FOXK2: variants seen among roughly 807,000 people sequenced by gnomAD.
The protein encoded by FOXK2 is forkhead box protein K2.
FOXK2 carries 24 observed loss-of-function variants against 53.3 expected under a neutral mutation model. The ratio of observed to expected loss-of-function variants is 0.45; its 90% CI spans 0.33 to 0.63. The LOEUF is 0.63. Ranked by LOEUF, FOXK2 falls within the 30% of genes least tolerant of loss-of-function variation. FOXK2 has a pLI of 0.03. For missense variants in FOXK2, 952 were observed against 910.5 expected (o/e 1.05, Z -0.59); for synonymous variants, 505 against 407.1 (o/e 1.24, Z -2.89).
chr17:82,591,745 C>T (rs915732765), intron 8 of FOXK2, among the ~76,000 whole-genome samples: 4 of 152,244 alleles, frequency 2.6e-5, no homozygotes, highest in African/African-American at 7.2e-5. Context: ...CCTCAGAGCT[C>T]GCTTTGGGAG....
chr17:82,544,113 A>G (rs1471914502), intron 1 of FOXK2, among the ~76,000 whole-genome samples: 4 of 151,758 alleles, frequency 2.6e-5, no homozygotes, highest in Non-Finnish European at 4.4e-5. Context: ...AGGTCTCACT[A>G]TGTTGCACAA....
At chr17:82,547,132 A>G (rs1045573444) in intron 1 of FOXK2, among the ~76,000 whole-genome samples, 1 of 151,970 alleles carries the variant, frequency 6.6e-6, no homozygotes, top group Non-Finnish European at 1.5e-5. Flanking sequence ...TCTCTCTTAT[A>G]GTGTATACTG....
At chr17:82,585,881 A>C in intron 6 of FOXK2, 23 bp from the exon 7 acceptor site, 1 of 1,594,686 alleles carries the variant, frequency 6.3e-7, no homozygotes, top group Non-Finnish European at 8.6e-7. Flanking sequence ...TGTAAGTGTC[A>C]GTCCTGCTGT....
intron 8 of FOXK2, among the ~76,000 whole-genome samples, chr17:82,595,419 A>G (rs1157685803): frequency 6.6e-6 from 1 of 152,158 alleles, no homozygotes; most frequent in Non-Finnish European, 1.5e-5. Flanking sequence ...CTCCTGCCTC[A>G]GCCTCCTGAG....
intron 5 of FOXK2, among the ~76,000 whole-genome samples, chr17:82,583,763 G>A (rs556320674): frequency 1.6e-4 from 24 of 152,298 alleles, no homozygotes; most frequent in Non-Finnish European, 2.6e-4. Flanking sequence ...AGCTGGCTCC[G>A]CCCCACAGCC....
intron 1 of FOXK2, among the ~76,000 whole-genome samples, chr17:82,550,183 C>T (rs1048872243): frequency 5.9e-5 from 9 of 152,084 alleles, no homozygotes; most frequent in African/African-American, 2.2e-4. Context: ...ACTGCAAGAC[C>T]TTGTCTCTAA....
intron 4 of FOXK2, 95 bp from the exon 5 acceptor site, chr17:82,582,646 T>C: frequency 9.9e-7 from 1 of 1,010,500 alleles, no homozygotes. Flanking sequence ...GCCCAACATG[T>C]AGGTTTCTGC....
Position 82,571,801 on chromosome 17 carries a change from C to G in FOXK2, c.840C>G (p.Thr280=), listed in dbSNP as rs1357008410. 1.2e-6 allele frequency: 2 copies of G among 1,604,622 alleles called. No individual in the cohort carries two copies. The highest frequency in any genetic ancestry group is 1.7e-5 in the Admixed American group (1 of 58,214). Reference sequence around the variant, plus strand: ...CGATGGCTCCCGACAAACAGCTCACCCTGAACGGGATTTATACACACATCA... The same window carrying G: ...CGATGGCTCCCGACAAACAGCTCACGCTGAACGGGATTTATACACACATCA... ...AITMAPDKQL[T]LNGIYTHITK... Residue 280 remains threonine, a synonymous_variant, in exon 4 of 9, where the codon ACC becomes ACG. Coordinates refer to ENST00000335255, the MANE Select transcript of FOXK2 (RefSeq NM_004514.4).
At chr17:82,550,971 G>T (rs1025144211) in intron 1 of FOXK2, among the ~76,000 whole-genome samples, 1 of 152,182 alleles carries the variant, frequency 6.6e-6, no homozygotes, top group African/African-American at 2.4e-5. Flanking sequence ...GTACTGAGCC[G>T]GGTCGTTAGG....
intron 3 of FOXK2, among the ~76,000 whole-genome samples, chr17:82,571,145 C>T (rs1371082888): frequency 2.0e-5 from 3 of 152,108 alleles, no homozygotes; most frequent in Non-Finnish European, 4.4e-5. Context: ...AGGATCTGGT[C>T]GTGGTTGAGG....
chr17:82,551,446 C>T (rs1379767349), intron 1 of FOXK2, among the ~76,000 whole-genome samples: 8 of 152,012 alleles, frequency 5.3e-5, no homozygotes, highest in African/African-American at 1.2e-4. Context: ...GAGGTCAAGG[C>T]GGGTGGATCA....
At chr17:82,542,078 G>A (rs541394815) in intron 1 of FOXK2, among the ~76,000 whole-genome samples, 63 of 151,202 alleles carry the variant, frequency 4.2e-4, no homozygotes, top group Admixed American at 4.1e-3. Context: ...ACAGGGTTTC[G>A]CCACGTTGGC....
In FOXK2 at chr17:82,601,633, C is replaced by A; in HGVS notation, c.*134C>A. 3 of 812,672 alleles carry A rather than the reference C, an allele frequency of 3.7e-6. No homozygotes were observed. Among genetic ancestry groups the A allele is most frequent in the Non-Finnish European group, 5.6e-6 (3 of 532,946 alleles). The allele number at this position is 812,672 out of a possible 1,614,324, so 50.3% of individuals were successfully genotyped here. A position where few individuals can be genotyped will look rare whatever the true frequency, so the allele number is the denominator to read the frequency against. The stretch of plus-strand genomic sequence containing the variant: ...TCAGCACTGAAAACCCAAAACCCAG[C>A]TGGCCTTAACACTCCTTAAAGACAG... On this transcript the variant is annotated 3_prime_UTR_variant, in exon 9 of 9. Transcript: ENST00000335255.
chr17:82,525,020 G>A (rs2044402775), intron 1 of FOXK2, among the ~76,000 whole-genome samples: 2 of 149,796 alleles, frequency 1.3e-5, no homozygotes, highest in Admixed American at 6.7e-5. Flanking sequence ...CTGTCGCCCA[G>A]GCTGGGGTAC....
chr17:82,520,705 C>T (rs1555634206), intron 1 of FOXK2, among the ~76,000 whole-genome samples: 1 of 152,206 alleles, frequency 6.6e-6, no homozygotes, highest in Non-Finnish European at 1.5e-5. Flanking sequence ...GAACTAAAAT[C>T]TATGTCTCTT....
intron 3 of FOXK2, among the ~76,000 whole-genome samples, chr17:82,568,466 A>C (rs1320432440): frequency 1.3e-5 from 2 of 152,198 alleles, no homozygotes; most frequent in African/African-American, 4.8e-5. Context: ...CAGACAGCGG[A>C]AGATGGAGGA....
chr17:82,538,242 T>C (rs569234128), intron 1 of FOXK2, among the ~76,000 whole-genome samples: 18 of 151,508 alleles, frequency 1.2e-4, no homozygotes, highest in East Asian at 7.8e-4. Context: ...AAAAAAGATA[T>C]AGGCCGGGTG....
intron 1 of FOXK2, among the ~76,000 whole-genome samples, chr17:82,552,913 G>A (rs4789790): frequency 0.44 from 67,220 of 152,020 alleles, 15,031 homozygotes; most frequent in South Asian, 0.55. Flanking sequence ...TAAAATCACA[G>A]ACTGGAAAGA....
intron 4 of FOXK2, among the ~76,000 whole-genome samples, chr17:82,574,323 T>C (rs796682964): frequency 3.8e-4 from 50 of 132,150 alleles, no homozygotes; most frequent in African/African-American, 9.2e-4. Flanking sequence ...CTCTCTCTCT[T>C]TTTTTTTTTT....
Sources: allele counts gnomAD v4.1 joint callset (sites outside exome capture counted in the v4.1 genomes callset), GRCh38; gene constraint gnomAD v4.1.1; transcripts MANE v1.5; gene names NCBI Gene and HGNC (gene_info 2026-07-23, HGNC 2026-07-21).